Variants in MYRF observed in about 807,000 individuals in gnomAD.
The protein encoded by MYRF is myelin regulatory factor.
In MYRF, 16 loss-of-function variants were observed where a neutral mutation model predicts 126.3. That is an observed-to-expected ratio of 0.13 (90% CI 0.09 to 0.19). MYRF has a LOEUF of 0.19. MYRF is among the 10% of genes least tolerant of loss of function. The probability of loss-of-function intolerance (pLI) is 1.00; values close to 1 mark genes in which losing one functional copy is unlikely to be tolerated. For missense variants in MYRF, 1,104 were observed against 1,547.0 expected, an observed-to-expected ratio of 0.71 and a Z score of 4.80; for synonymous variants, 608 against 635.3, an observed-to-expected ratio of 0.96 and a Z score of 0.65.
At position 61,778,782 on chromosome 11, in the gene MYRF, C is replaced by T. The variant is rs915873734; in HGVS notation, c.2013+293C>T. 13 of 590,026 alleles carry T rather than the reference C, an allele frequency of 2.2e-5. No homozygotes were observed. The Admixed American group carries it at 2.6e-4, about 12-fold the overall frequency. The allele number at this position is 590,026 out of a possible 1,614,324, so 36.5% of individuals were successfully genotyped here. A position where few individuals can be genotyped will look rare whatever the true frequency, so the allele number is the denominator to read the frequency against. On this transcript the variant is annotated intron_variant, in intron 14 of 26. Coordinates refer to ENST00000278836, the MANE Select transcript of MYRF (RefSeq NM_001127392.3). The surrounding 1 kb of genome is among the most constrained non-coding windows in gnomAD (Gnocchi z 4.6). ...AAATGAGGGCGGTAATAGAACTGCACAGACATCCTCGTATGGTTACCTCCA... is the reference window on the plus strand; with the variant it reads ...AAATGAGGGCGGTAATAGAACTGCATAGACATCCTCGTATGGTTACCTCCA...
intron 14 of MYRF, 58 bp from the exon 15 acceptor site, chr11:61,779,205 C>T (rs1179133696): frequency 1.5e-5 from 22 of 1,498,424 alleles, no homozygotes; most frequent in Middle Eastern, 3.5e-4. Context: ...CTGGGGCTCC[C>T]GGGGCTGACT....
chr11:61,773,383 G>A (rs1378452435), intron 7 of MYRF, among the ~76,000 whole-genome samples: 2 of 152,212 alleles, frequency 1.3e-5, no homozygotes, highest in African/African-American at 4.8e-5. Context: ...GGCTGAGTCT[G>A]AGGGAGAGTC....
rs1377302696 is a variant in MYRF at position 61,780,761 on chromosome 11, C to T, written c.2455C>T (p.Pro819Ser). The T allele has an allele frequency of 2.6e-6, 4 of 1,547,758 alleles. No homozygotes were observed. The highest frequency in any genetic ancestry group is 2.6e-6 in the Non-Finnish European group (3 of 1,147,140). The change falls in exon 19 of 27, where the codon CCC becomes TCC. Residue 819 changes from proline (P) to serine (S), a missense_variant. Physicochemically the swap from Pro to Ser is moderately conservative, Grantham distance 74. Transcript: ENST00000278836. ...TCTCCTGGCCCTGCTCCGGCCCCAG[C>T]CCCCTGGGGGGAGTGAGGCCTTGTG... ...SCLLALLRPQ[P>S]PGGSEALCPW...
chr11:61,765,833 C>A, intron 2 of MYRF, 121 bp downstream of exon 2: 1 of 1,412,224 alleles, frequency 7.1e-7, no homozygotes, highest in Non-Finnish European at 9.6e-7. Context: ...CTGAAAGCTG[C>A]TCCTCGTCCC....
rs752534115 is a variant in MYRF at position 61,779,404 on chromosome 11, G to T, written c.2155G>T (p.Gly719Cys). The T allele has an allele frequency of 2.6e-5, 40 of 1,551,182 alleles. No homozygotes were observed. The highest frequency in any genetic ancestry group is 3.4e-5 in the Non-Finnish European group (39 of 1,146,916). Residue 719 changes from glycine to cysteine, a missense_variant, in exon 15 of 27, where the codon GGC becomes TGC. This residue lies in a region of MYRF where 123 missense variants were observed against 209.1 expected (regional missense o/e 0.59). Coordinates refer to ENST00000278836, the MANE Select transcript of MYRF (RefSeq NM_001127392.3). ...GCGGCTCGACAGCCTCAAGTCCACCGGCAGCTCGGGCGCCTTCAGGTAGGG... is the reference window on the plus strand; with the variant it reads ...GCGGCTCGACAGCCTCAAGTCCACCTGCAGCTCGGGCGCCTTCAGGTAGGG... ...LRRLDSLKST[G>C]SSGAFSHAGS... is the part of the protein sequence containing the mutation.
intron 22 of MYRF, chr11:61,782,675 G>A (rs2066585791): frequency 6.6e-6 from 1 of 152,286 alleles, no homozygotes; most frequent in African/African-American, 2.4e-5. Context: ...AGGTGGGGAG[G>A]ATCAGGGAAA....
chr11:61,780,955 A>G lies in MYRF; in HGVS notation c.2487-5A>G. 1.9e-6 allele frequency: 3 copies of G among 1,609,262 alleles called. No individual in the cohort carries two copies. The highest frequency in any genetic ancestry group is 1.7e-6 in the Non-Finnish European group (2 of 1,179,878). ...CTCTGAGCTCAGCCCATCCTTCCCC[A>G]GCAGGTCCAGCCAGAGCTTTGGGAC... On this transcript the variant is annotated splice_region_variant and splice_polypyrimidine_tract_variant and intron_variant, in intron 19 of 26. Coordinates refer to ENST00000278836, the MANE Select transcript of MYRF (RefSeq NM_001127392.3).
chr11:61,776,456 C>A lies in MYRF; in HGVS notation c.1499+24C>A. 1 of 1,588,896 alleles carries A rather than the reference C, an allele frequency of 6.3e-7. No individual in the cohort carries two copies. The highest frequency in any genetic ancestry group is 1.1e-5 in the South Asian group (1 of 88,896). On this transcript the variant is annotated intron_variant, in intron 10 of 26. Coordinates refer to ENST00000278836, the MANE Select transcript of MYRF (RefSeq NM_001127392.3). This position sits in a 1 kb window ranked among gnomAD's most constrained non-coding sequence, Gnocchi z 4.3. ...AGGTGAGCAGGTGGGGGCCCTGCCC[C>A]GGAGCCCCTCCATTTCTGAGGCAGG... is the stretch of plus-strand genomic sequence containing the variant.
chr11:61,757,713 G>A lies in MYRF; in HGVS notation c.46+4923G>A, dbSNP rs889065096. ...AGGAGGAGGGGCTTGGCTGTATTGT[G>A]ACTTCATCTGCTGCACCCAGGCTCT... On this transcript the variant is annotated intron_variant, in intron 1 of 26. Transcript: ENST00000278836. This position sits in a 1 kb window ranked among gnomAD's most constrained non-coding sequence, Gnocchi z 4.7. 4.9e-5 allele frequency: 18 copies of A among 365,052 alleles called. No individual in the cohort carries two copies. Among genetic ancestry groups the A allele is most frequent in the Non-Finnish European group, 8.8e-5 (16 of 182,654 alleles). 22.6% of individuals were successfully genotyped at this position (365,052 alleles called of 1,614,324 possible).
intron 4 of MYRF, among the ~76,000 whole-genome samples, chr11:61,769,558 C>T (rs1565289215): frequency 6.6e-6 from 1 of 152,198 alleles, no homozygotes; most frequent in Non-Finnish European, 1.5e-5. Flanking sequence ...CCGCCTGCGC[C>T]ATCATGGACG....
In MYRF at chr11:61,780,300, T is replaced by C; in HGVS notation, c.2405+10T>C. On this transcript the variant is annotated intron_variant, in intron 18 of 26. Coordinates refer to ENST00000278836, the MANE Select transcript of MYRF (RefSeq NM_001127392.3). ...TGGTAGACACTGATGGGTAGGTTCCTGGAGGCCAAGCCAAGCTGCCAGGCC... is the reference window on the plus strand; with the variant it reads ...TGGTAGACACTGATGGGTAGGTTCCCGGAGGCCAAGCCAAGCTGCCAGGCC... 1 of 1,609,180 alleles carries C rather than the reference T, an allele frequency of 6.2e-7. No homozygotes were observed. The highest frequency in any genetic ancestry group is 8.5e-7 in the Non-Finnish European group (1 of 1,177,320).
At chr11:61,762,213 G>C (rs2065918643) in intron 1 of MYRF, among the ~76,000 whole-genome samples, 1 of 152,184 alleles carries the variant, frequency 6.6e-6, no homozygotes, top group Admixed American at 6.5e-5. Flanking sequence ...GGGGAGGCAG[G>C]GGACCTGGGG....
chr11:61,754,605 C>G (rs1054207844), intron 1 of MYRF, among the ~76,000 whole-genome samples: 2 of 152,292 alleles, frequency 1.3e-5, no homozygotes, highest in Admixed American at 6.5e-5. Flanking sequence ...GAGGGGTGGG[C>G]CTGGCTGGCC....
Position 61,776,619 on chromosome 11 carries a change from C to G in MYRF, c.1500-168C>G, listed in dbSNP as rs1293632227. Among the ~76,000 whole-genome samples the G allele has an allele frequency of 2.0e-5, 3 of 152,080 alleles. No homozygotes were observed. The highest frequency in any genetic ancestry group is 4.4e-5 in the Non-Finnish European group (3 of 68,006). ...GAAGCCTGGCTTCTGGGTTGAGAAA[C>G]AGCCCTGGCTTCTTGCTGTGGGCCC... On this transcript the variant is annotated intron_variant, in intron 10 of 26. Transcript: ENST00000278836. The surrounding 1 kb of genome is among the most constrained non-coding windows in gnomAD (Gnocchi z 4.3).
At chr11:61,755,179 C>G (rs1242097796) in intron 1 of MYRF, among the ~76,000 whole-genome samples, 1 of 152,162 alleles carries the variant, frequency 6.6e-6, no homozygotes, top group Non-Finnish European at 1.5e-5. Context: ...ACAGCGCGCC[C>G]CCTCACCTGA....
In MYRF at chr11:61,773,974, C is replaced by T. The variant is rs753205290; in HGVS notation, c.1123C>T (p.Leu375Phe). The T allele has an allele frequency of 1.6e-5, 25 of 1,608,804 alleles. No homozygotes were observed. In the African/African-American group the frequency reaches 3.1e-4, roughly 20 times the overall value. ...YDANYKELPM[L>F]TYRVDADKGF... is the part of the protein sequence containing the mutation. ...CCTCACCCGCCCCCCCAGGCCCATG[C>T]TCACCTACCGCGTGGATGCGGACAA... Residue 375 changes from leucine (L) to phenylalanine (F), a missense_variant, in exon 8 of 27, where the codon CTC (leucine) becomes TTC (phenylalanine). By Grantham distance (22) the Leu-to-Phe change is conservative. This residue lies in a region of MYRF where 87 missense variants were observed against 129.2 expected (regional missense o/e 0.67). Coordinates refer to ENST00000278836, the MANE Select transcript of MYRF (RefSeq NM_001127392.3).
chr11:61,771,542 C>T lies in MYRF; in HGVS notation c.783C>T (p.Ser261=), dbSNP rs142831329. 4 of 1,613,778 alleles carry T rather than the reference C, an allele frequency of 2.5e-6. No individual in the cohort carries two copies. The African/African-American group carries it at 4.0e-5, about 16-fold the overall frequency. ...HPSKKRKHSE[S]PPSTLNAQML... ...CCAAGAAGAGGAAGCACTCTGAATC[C>T]CCCCCCAGCACCCTCAATGCCCAGA... is the stretch of plus-strand genomic sequence containing the variant. The change falls in exon 6 of 27, where the codon TCC becomes TCT. Residue 261 remains serine, a synonymous_variant. Coordinates refer to ENST00000278836, the MANE Select transcript of MYRF (RefSeq NM_001127392.3).
intron 1 of MYRF, among the ~76,000 whole-genome samples, chr11:61,761,624 G>C (rs1009040250): frequency 5.3e-5 from 8 of 152,240 alleles, no homozygotes; most frequent in African/African-American, 1.9e-4. Context: ...GCCTGGCCGA[G>C]GTCCCTCACT....
rs2066370183 is a variant in MYRF, at chr11:61,775,957, G to A, written c.1312-99G>A. 3.5e-6 allele frequency: 4 copies of A among 1,129,664 alleles called. No homozygotes were observed. The Admixed American group carries it at 7.1e-5, about 20-fold the overall frequency. The allele number at this position is 1,129,664 out of a possible 1,614,324, so 70.0% of individuals were successfully genotyped here. ...GGGCTGGGTGCTGCCCTGTTTCCTG[G>A]TGAGCTCTAGTTGGGCCAGGCCTGG... On this transcript the variant is annotated intron_variant, in intron 8 of 26. Transcript: ENST00000278836.
Sources: gnomAD v4.1 joint callset for allele counts (sites outside exome capture counted in the v4.1 genomes callset) on GRCh38, gnomAD v4.1.1 for gene constraint, gnomAD v4.1.1 regional missense constraint, Gnocchi (gnomAD v3.1) non-coding constraint, MANE v1.5 for transcripts, NCBI Gene and HGNC (gene_info 2026-07-23, HGNC 2026-07-21) for gene names.